Variants in STK31 observed in about 807,000 individuals in gnomAD.
STK31 encodes the protein serine/threonine-protein kinase 31.
A neutral mutation model predicts 129.7 loss-of-function variants in STK31; 89 were observed. The ratio of observed to expected loss-of-function variants is 0.69; its 90% CI spans 0.58 to 0.82. STK31 has a LOEUF of 0.82. STK31 is among the 40% of genes least tolerant of loss of function. The pLI, the probability that STK31 is intolerant of heterozygous loss-of-function variation, is 0.00. For missense variants in STK31, 1,187 were observed against 1,176.4 expected (o/e 1.01, Z -0.13); for synonymous variants, 448 against 395.3 (o/e 1.13, Z -1.58).
chr7:23,735,922 C>T, intron 7 of STK31, 26 bp downstream of exon 7: 1 of 1,517,260 alleles, frequency 6.6e-7, no homozygotes, highest in Non-Finnish European at 8.9e-7. Context: ...TCACTAATTT[C>T]TAATTGATGG....
chr7:23,727,285 C>G lies in STK31; in HGVS notation c.294C>G (p.Cys98Trp). The change falls in exon 5 of 24, where the codon TGC (cysteine) becomes TGG (tryptophan). Residue 98 changes from cysteine (C) to tryptophan (W), a missense_variant. Cys to Trp is a radical substitution (Grantham distance 215). Around this residue, in one of 5 missense-constraint regions of STK31, gnomAD observed 103 missense variants for 110.4 expected, o/e 0.93. Transcript: ENST00000355870. ...LFSEDQCWYRCKVLKIISVEK... is the reference protein window; with the variant it reads ...LFSEDQCWYRWKVLKIISVEK... Reference sequence around the variant, plus strand: ...CTGAAGATCAGTGTTGGTACAGATGCAAAGTACTGAAAATCATCAGCGTTG... The same window carrying G: ...CTGAAGATCAGTGTTGGTACAGATGGAAAGTACTGAAAATCATCAGCGTTG... 6.2e-7 allele frequency: 1 copy of G among 1,613,446 alleles called. No homozygotes were observed. Among genetic ancestry groups the G allele is most frequent in the Non-Finnish European group, 8.5e-7 (1 of 1,179,756 alleles).
At chr7:23,822,656 G>A (rs1272418580) in intron 23 of STK31, among the ~76,000 whole-genome samples, 11 of 152,032 alleles carry the variant, frequency 7.2e-5, no homozygotes. Context: ...ACAACGTGCA[G>A]GTTTGTTACA....
At chr7:23,778,354 C>T (rs1562594413) in intron 15 of STK31, among the ~76,000 whole-genome samples, 1 of 152,028 alleles carries the variant, frequency 6.6e-6, no homozygotes, top group Non-Finnish European at 1.5e-5. Context: ...TTGGTGTTCT[C>T]TGTATTTCCT....
chr7:23,735,405 T>C (rs779587935), intron 6 of STK31, 133 bp from the exon 7 acceptor site: 1 of 747,092 alleles, frequency 1.3e-6, no homozygotes, highest in Non-Finnish European at 2.2e-6. Context: ...CATATTTGCA[T>C]ATTATAGCCA....
At chr7:23,753,148 G>A (rs1436743527) in intron 9 of STK31, among the ~76,000 whole-genome samples, 1 of 152,178 alleles carries the variant, frequency 6.6e-6, no homozygotes, top group African/African-American at 2.4e-5. Flanking sequence ...GTTATTTTCA[G>A]GAGTACAGCA....
intron 5 of STK31, 78 bp downstream of exon 5, chr7:23,727,393 C>T: frequency 8.0e-7 from 1 of 1,255,018 alleles, no homozygotes; most frequent in Non-Finnish European, 1.2e-6. Flanking sequence ...CTTATTTAGC[C>T]CTTCATTGCT....
chr7:23,814,946 C>T (rs1175257224), intron 22 of STK31, among the ~76,000 whole-genome samples, 198 bp from the exon 23 acceptor site: 1 of 152,168 alleles, frequency 6.6e-6, no homozygotes, highest in Non-Finnish European at 1.5e-5. Context: ...CCCCTCTGAT[C>T]GGTACTTTAG....
intron 8 of STK31, among the ~76,000 whole-genome samples, chr7:23,743,547 C>T (rs1322240619): frequency 6.6e-6 from 1 of 151,954 alleles, no homozygotes; most frequent in Non-Finnish European, 1.5e-5. Flanking sequence ...CGCCTTTTTC[C>T]TTCTGTTTTT....
At chr7:23,791,052 A>C in intron 22 of STK31, 106 bp downstream of exon 22, 1 of 1,096,638 alleles carries the variant, frequency 9.1e-7, no homozygotes, top group Non-Finnish European at 1.2e-6. Context: ...GCAGACTTTT[A>C]GTAGAACTTT....
chr7:23,828,881 TC>T (rs1261909948), intron 23 of STK31, among the ~76,000 whole-genome samples: 1 of 152,000 alleles, frequency 6.6e-6, no homozygotes, highest in East Asian at 1.9e-4. Flanking sequence ...GGAATGTTTT[TC>T]TTTTTCTTTC....
chr7:23,738,076 G>C (rs955474368), intron 8 of STK31, among the ~76,000 whole-genome samples: 6 of 152,058 alleles, frequency 3.9e-5, no homozygotes, highest in African/African-American at 1.4e-4. Flanking sequence ...GCCACAAATG[G>C]GGTCCCCAGG....
At chr7:23,735,940 C>A (rs779333396) in intron 7 of STK31, 44 bp downstream of exon 7, 2 of 1,456,074 alleles carry the variant, frequency 1.4e-6, no homozygotes, top group Admixed American at 4.3e-5. Context: ...TGGTAGAGGT[C>A]CCTGTCATAG....
chr7:23,721,572 G>A (rs1266691924), intron 4 of STK31: 1 of 922,188 alleles, frequency 1.1e-6, no homozygotes, highest in African/African-American at 1.6e-5. Context: ...GGAGCCCTTT[G>A]CGGAATCCCC....
chr7:23,821,479 A>G (rs1172629581), intron 23 of STK31, among the ~76,000 whole-genome samples: 6 of 152,040 alleles, frequency 3.9e-5, no homozygotes, highest in African/African-American at 1.4e-4. Context: ...AGAAATGTCT[A>G]TTTATGTCCT....
intron 3 of STK31, among the ~76,000 whole-genome samples, chr7:23,716,798 T>C (rs1430024915): frequency 8.7e-4 from 6 of 6,870 alleles, no homozygotes; most frequent in African/African-American, 3.7e-3. Flanking sequence ...TTTTGAGCAC[T>C]TTTTTTTTTT....
intron 23 of STK31, among the ~76,000 whole-genome samples, chr7:23,821,740 T>C (rs568634931): frequency 1.2e-4 from 18 of 152,322 alleles, no homozygotes; most frequent in African/African-American, 4.3e-4. Context: ...GCCAATGTCA[T>C]GAAGTGTTTC....
intron 10 of STK31, among the ~76,000 whole-genome samples, chr7:23,755,722 A>G (rs966324559): frequency 1.3e-5 from 2 of 152,124 alleles, no homozygotes; most frequent in Admixed American, 6.5e-5. Flanking sequence ...GCATATGTCT[A>G]GTTTTCCCAG....
intron 23 of STK31, among the ~76,000 whole-genome samples, chr7:23,828,317 C>T (rs2128133542): frequency 6.6e-6 from 1 of 152,372 alleles, no homozygotes; most frequent in African/African-American, 2.4e-5. Flanking sequence ...CCCAGCCTCG[C>T]TGCCGCCTTG....
intron 15 of STK31, among the ~76,000 whole-genome samples, chr7:23,778,385 C>T (rs557562222): frequency 3.5e-4 from 54 of 152,184 alleles, no homozygotes; most frequent in African/African-American, 1.3e-3. Flanking sequence ...GTTGACCTGT[C>T]CTGCTAGGTT....
Sources: allele counts gnomAD v4.1 joint callset (sites outside exome capture counted in the v4.1 genomes callset), GRCh38; gene constraint gnomAD v4.1.1; regional missense constraint gnomAD v4.1.1; transcripts MANE v1.5; gene names NCBI Gene and HGNC (gene_info 2026-07-23, HGNC 2026-07-21).